Variants in PIEZO2 observed in about 807,000 individuals in gnomAD.
PIEZO2 encodes piezo type mechanosensitive ion channel component 2.
A neutral mutation model predicts 337.3 loss-of-function variants in PIEZO2; 172 were observed. The observed-to-expected ratio is 0.51, with a 90% CI of 0.45 to 0.58. The LOEUF is 0.58. PIEZO2 is among the 20% of genes least tolerant of loss of function. The pLI is 0.00. For synonymous variants in PIEZO2, 1,251 were observed against 1,228.5 expected, an observed-to-expected ratio of 1.02 and a Z score of -0.38; for missense variants, 3,028 against 3,391.3, an observed-to-expected ratio of 0.89 and a Z score of 2.66.
At chr18:11,089,337 A>G (rs56163119) in intron 1 of PIEZO2, among the ~76,000 whole-genome samples, 8,402 of 152,278 alleles carry the variant, frequency 0.055, 281 homozygotes, top group African/African-American at 0.082. Context: ...TTCAGTTAAC[A>G]CAGGCGAAAT....
chr18:10,684,479 T>C (rs180892054), intron 49 of PIEZO2, among the ~76,000 whole-genome samples: 2 of 81,204 alleles, frequency 2.5e-5, no homozygotes, highest in Non-Finnish European at 5.6e-5. Flanking sequence ...TTTTTTTTTT[T>C]TTTTCTTGAT....
In PIEZO2 at chr18:10,863,885, C is replaced by T. The variant is rs1455141664; in HGVS notation, c.493-6674G>A. On this transcript the variant is annotated intron_variant, in intron 5 of 55. Coordinates refer to ENST00000674853, the MANE Select transcript of PIEZO2 (RefSeq NM_001378183.1). This position sits in a 1 kb window ranked among gnomAD's most constrained non-coding sequence, Gnocchi z 4.3. Reference sequence around the variant, plus strand: ...AAATCAGCAGTCACACACACACACACCTATATCATCCACTCAGTTCACATT... The same window carrying T: ...AAATCAGCAGTCACACACACACACATCTATATCATCCACTCAGTTCACATT... Among the ~76,000 whole-genome samples the T allele has an allele frequency of 6.6e-6, 1 of 151,738 alleles. No homozygotes were observed. The highest frequency in any genetic ancestry group is 1.5e-5 in the Non-Finnish European group (1 of 68,034).
chr18:10,865,449 T>C (rs2041980637), intron 5 of PIEZO2, among the ~76,000 whole-genome samples: 1 of 152,110 alleles, frequency 6.6e-6, no homozygotes, highest in African/African-American at 2.4e-5. Context: ...TAGAGAAAAG[T>C]GGACTGATTT....
Position 10,854,071 on chromosome 18 carries a change from T to A in PIEZO2, c.917+1282A>T, listed in dbSNP as rs916145237. On this transcript the variant is annotated intron_variant, in intron 7 of 55. Transcript: ENST00000674853. This position sits in a 1 kb window ranked among gnomAD's most constrained non-coding sequence, Gnocchi z 4.6. ...TGCAGGCCTCTTTTCCATGCTGATT[T>A]TTTTTTTAAAGACCCATTCATTTGC... is the stretch of plus-strand genomic sequence containing the variant. 2.0e-5 allele frequency among the ~76,000 whole-genome samples: 3 copies of A among 152,194 alleles called. No homozygotes were observed. The highest frequency in any genetic ancestry group is 4.8e-5 in the African/African-American group (2 of 41,460).
Position 10,748,779 on chromosome 18 carries a change from A to G in PIEZO2, c.4265-149T>C. On this transcript the variant is annotated intron_variant, in intron 29 of 55. Coordinates refer to ENST00000674853, the MANE Select transcript of PIEZO2 (RefSeq NM_001378183.1). The surrounding 1 kb of genome is among the most constrained non-coding windows in gnomAD (Gnocchi z 5.1). Reference sequence around the variant, plus strand: ...CTTACTTATGAGTTGATTTATTTACAAGGAGATCACACACTTCCAATCCAA... The same window carrying G: ...CTTACTTATGAGTTGATTTATTTACGAGGAGATCACACACTTCCAATCCAA... 1.4e-6 allele frequency: 1 copy of G among 725,594 alleles called. No homozygotes were observed. Among genetic ancestry groups the G allele is most frequent in the Non-Finnish European group, 2.1e-6 (1 of 468,620 alleles). 44.9% of individuals were successfully genotyped at this position (725,594 alleles called of 1,614,324 possible). A position where few individuals can be genotyped will look rare whatever the true frequency, so the allele number is the denominator to read the frequency against.
rs948078661 is a variant in PIEZO2 at position 10,795,476 on chromosome 18, C to T, written c.1528-474G>A. Among the ~76,000 whole-genome samples the T allele has an allele frequency of 3.3e-5, 5 of 151,494 alleles. No individual in the cohort carries two copies. In the East Asian group the frequency reaches 5.8e-4, roughly 18 times the overall value. ...CTTAGAGAGAAAAAAAAATGGTATA[C>T]TCCTGTGAGCTCAGAATGAGAGATT... On this transcript the variant is annotated intron_variant, in intron 12 of 55. Coordinates refer to ENST00000674853, the MANE Select transcript of PIEZO2 (RefSeq NM_001378183.1). This position sits in a 1 kb window ranked among gnomAD's most constrained non-coding sequence, Gnocchi z 4.4.
chr18:10,926,026 T>C (rs1160023111), intron 3 of PIEZO2, among the ~76,000 whole-genome samples: 2 of 152,202 alleles, frequency 1.3e-5, no homozygotes, highest in African/African-American at 4.8e-5. Context: ...TAATTCTTCA[T>C]TTAAGATCTT....
rs1479133266 is a variant in PIEZO2, at chr18:10,691,080, T to C, written c.7349+145A>G. The stretch of plus-strand genomic sequence containing the variant: ...AAAGGTGTTTAAAGAGGCATATTTG[T>C]TCCTTTGCCAACATCGTAAGAGTTC... On this transcript the variant is annotated intron_variant, in intron 48 of 55. Transcript: ENST00000674853. The C allele has an allele frequency of 6.2e-6, 6 of 965,192 alleles. No individual in the cohort carries two copies. The East Asian group carries it at 1.5e-4, about 24-fold the overall frequency. 59.8% of individuals were successfully genotyped at this position (965,192 alleles called of 1,614,324 possible).
chr18:11,028,705 T>C lies in PIEZO2; in HGVS notation c.160+37422A>G, dbSNP rs112357892. On this transcript the variant is annotated intron_variant, in intron 2 of 55. Coordinates refer to ENST00000674853, the MANE Select transcript of PIEZO2 (RefSeq NM_001378183.1). The surrounding 1 kb of genome is among the most constrained non-coding windows in gnomAD (Gnocchi z 4.8). ...ATGTTTCCTTAGATAGATCCTCACA[T>C]ATTCTGGAAGGAGAAGAAAGTGAGA... is the stretch of plus-strand genomic sequence containing the variant. Among the ~76,000 whole-genome samples, 2 of 152,218 alleles carry C rather than the reference T, an allele frequency of 1.3e-5. No homozygotes were observed. Among genetic ancestry groups the C allele is most frequent in the African/African-American group, 4.8e-5 (2 of 41,456 alleles).
At chr18:10,717,807 T>C (rs1279969023) in intron 37 of PIEZO2, among the ~76,000 whole-genome samples, 1 of 152,226 alleles carries the variant, frequency 6.6e-6, no homozygotes, top group Non-Finnish European at 1.5e-5. Context: ...TCACTAATTT[T>C]GCCAGTCCTA....
chr18:11,019,177 G>A (rs190172301), intron 2 of PIEZO2, among the ~76,000 whole-genome samples: 2 of 152,198 alleles, frequency 1.3e-5, no homozygotes, highest in South Asian at 4.1e-4. Context: ...ACAGAAGGCA[G>A]CAGCCTTCTA....
Position 10,684,155 on chromosome 18 carries a change from C to CTT in PIEZO2, c.7498-1865_7498-1864dup, listed in dbSNP as rs71169941. On this transcript the variant is annotated intron_variant, in intron 49 of 55. Coordinates refer to ENST00000674853, the MANE Select transcript of PIEZO2 (RefSeq NM_001378183.1). Reference sequence around the variant, plus strand: ...CTCTCTTTCTTTCTCTGTCTTTCCTCTTTTTTTTTTTTTTTTTTTTTTTTT... The same window carrying CTT: ...CTCTCTTTCTTTCTCTGTCTTTCCTCTTTTTTTTTTTTTTTTTTTTTTTTTTT... Among the ~76,000 whole-genome samples, 39 of 61,440 alleles carry CTT rather than the reference C, an allele frequency of 6.3e-4. 3 individuals are homozygous for CTT. Among genetic ancestry groups the CTT allele is most frequent in the African/African-American group, 2.4e-3 (37 of 15,264 alleles). 40.3% of individuals were successfully genotyped at this position (61,440 alleles called of 152,430 possible).
chr18:10,726,864 C>T lies in PIEZO2; in HGVS notation c.5029+4543G>A. The T allele has an allele frequency of 6.3e-7, 1 of 1,597,246 alleles. No individual in the cohort carries two copies. The highest frequency in any genetic ancestry group is 8.6e-7 in the Non-Finnish European group (1 of 1,167,660). On this transcript the variant is annotated intron_variant, in intron 36 of 55. Transcript: ENST00000674853. The surrounding 1 kb of genome is among the most constrained non-coding windows in gnomAD (Gnocchi z 5.9). The stretch of plus-strand genomic sequence containing the variant: ...ACCTTATGCAGGACTTGGCACGCTA[C>T]CGGCAGCAGCTGAAGCACATCATGG...
chr18:10,812,001 C>T (rs570144811), intron 7 of PIEZO2, among the ~76,000 whole-genome samples: 42 of 152,134 alleles, frequency 2.8e-4, no homozygotes, highest in African/African-American at 9.1e-4. Flanking sequence ...GCCCGGCTAA[C>T]TTTTTGTATT....
intron 2 of PIEZO2, among the ~76,000 whole-genome samples, chr18:11,046,498 C>G (rs558159721): frequency 6.6e-6 from 1 of 152,346 alleles, no homozygotes; most frequent in East Asian, 1.9e-4. Flanking sequence ...AATAAGTAAT[C>G]AATCCTCACC....
At chr18:10,785,725 C>T (rs115890618) in intron 16 of PIEZO2, among the ~76,000 whole-genome samples, 1,984 of 152,194 alleles carry the variant, frequency 0.013, 27 homozygotes, top group African/African-American at 0.045. Flanking sequence ...TCCTGTTATC[C>T]GTCTCTGCCT....
At chr18:11,115,527 G>C (rs543231563) in intron 1 of PIEZO2, among the ~76,000 whole-genome samples, 1 of 152,146 alleles carries the variant, frequency 6.6e-6, no homozygotes, top group Admixed American at 6.5e-5. Flanking sequence ...AACCATCCAA[G>C]TAATAACCAC....
Position 11,047,797 on chromosome 18 carries a change from C to T in PIEZO2, c.160+18330G>A, listed in dbSNP as rs1445261262. 6.6e-6 allele frequency among the ~76,000 whole-genome samples: 1 copy of T among 152,134 alleles called. No individual in the cohort carries two copies. The highest frequency in any genetic ancestry group is 1.5e-5 in the Non-Finnish European group (1 of 68,018). ...AAGAGCAGTTTTCATTCCGCAGATG[C>T]TATTAGACCCCAGGGAATGCGAATA... On this transcript the variant is annotated intron_variant, in intron 2 of 55. Coordinates refer to ENST00000674853, the MANE Select transcript of PIEZO2 (RefSeq NM_001378183.1). This position sits in a 1 kb window ranked among gnomAD's most constrained non-coding sequence, Gnocchi z 7.2.
intron 2 of PIEZO2, among the ~76,000 whole-genome samples, chr18:11,017,166 T>C (rs1311689496): frequency 6.6e-6 from 1 of 152,206 alleles, no homozygotes; most frequent in Non-Finnish European, 1.5e-5. Context: ...CAAAGATGTG[T>C]TTTTGACCTC....
Sources: allele counts gnomAD v4.1 joint callset (sites outside exome capture counted in the v4.1 genomes callset), GRCh38; gene constraint gnomAD v4.1.1; non-coding constraint Gnocchi (gnomAD v3.1); transcripts MANE v1.5; gene names NCBI Gene and HGNC (gene_info 2026-07-23, HGNC 2026-07-21).